The following ARHGAP15 variants were observed in gnomAD, a reference collection of about 807,000 sequenced individuals.
The protein encoded by ARHGAP15 is rho GTPase-activating protein 15.
Under a neutral mutation model 63.7 loss-of-function variants are expected in ARHGAP15, and 51 were observed. The observed-to-expected ratio is 0.80, with a 90% CI of 0.64 to 1.01. The LOEUF is 1.01. Among genes scored for constraint, ARHGAP15 ranks in the 50% least tolerant of loss-of-function variants. The pLI is 0.00. For synonymous variants in ARHGAP15, 191 were observed against 193.8 expected (o/e 0.99, Z 0.12); for missense variants, 560 against 564.6 (o/e 0.99, Z 0.08).
At chr2:143,650,783 C>T (rs1006631724) in intron 12 of ARHGAP15, among the ~76,000 whole-genome samples, 7 of 151,924 alleles carry the variant, frequency 4.6e-5, no homozygotes, top group Admixed American at 2.0e-4. Context: ...TGGCAGTTAA[C>T]ATACCTCGCT....
intron 12 of ARHGAP15, among the ~76,000 whole-genome samples, chr2:143,679,536 C>G (rs1160899035): frequency 6.6e-6 from 1 of 152,152 alleles, no homozygotes; most frequent in Non-Finnish European, 1.5e-5. Context: ...CTAGTCTCCT[C>G]TGCCCAAGAT....
intron 6 of ARHGAP15, among the ~76,000 whole-genome samples, chr2:143,301,776 G>T (rs1044225182): frequency 6.6e-6 from 1 of 151,388 alleles, no homozygotes; most frequent in Non-Finnish European, 1.5e-5. Flanking sequence ...TACATACATG[G>T]ACGGATGTAT....
chr2:143,387,556 A>G (rs1687339641), intron 6 of ARHGAP15, among the ~76,000 whole-genome samples: 1 of 152,214 alleles, frequency 6.6e-6, no homozygotes, highest in Non-Finnish European at 1.5e-5. Context: ...TTGGCATTGT[A>G]TTGACATTTT....
intron 10 of ARHGAP15, among the ~76,000 whole-genome samples, chr2:143,537,602 G>C (rs1473258233): frequency 6.6e-6 from 1 of 152,184 alleles, no homozygotes; most frequent in Non-Finnish European, 1.5e-5. Flanking sequence ...CATATGGCTA[G>C]CCAGTTTTCC....
chr2:143,219,172 C>T (rs1692887618), intron 4 of ARHGAP15, among the ~76,000 whole-genome samples: 1 of 152,162 alleles, frequency 6.6e-6, no homozygotes, highest in African/African-American at 2.4e-5. Context: ...AAACTGATGC[C>T]TACTGTACCT....
intron 6 of ARHGAP15, among the ~76,000 whole-genome samples, chr2:143,413,966 T>TGTGTGTGCGCGCGCACGC: frequency 8.5e-6 from 1 of 117,910 alleles, no homozygotes; most frequent in Admixed American, 9.2e-5. Context: ...TGTGTGTGTG[T>TGTGTGTGCGCGCGCACGC]GCGCGCTCTC....
At chr2:143,260,906 T>C (rs1430900777) in intron 6 of ARHGAP15, among the ~76,000 whole-genome samples, 1 of 152,104 alleles carries the variant, frequency 6.6e-6, no homozygotes. Flanking sequence ...ACAACAACAA[T>C]AAAACCTTGC....
intron 6 of ARHGAP15, among the ~76,000 whole-genome samples, chr2:143,365,785 C>T (rs1162596827): frequency 2.0e-5 from 3 of 152,172 alleles, no homozygotes; most frequent in African/African-American, 7.2e-5. Context: ...AAAGAACCAA[C>T]TCTGTGAAGT....
At chr2:143,645,828 AT>A (rs1408444418) in intron 12 of ARHGAP15, among the ~76,000 whole-genome samples, 4 of 152,154 alleles carry the variant, frequency 2.6e-5, no homozygotes, top group Admixed American at 6.5e-5. Context: ...TTTAAAAAAT[AT>A]TTTTTAAATA....
intron 11 of ARHGAP15, among the ~76,000 whole-genome samples, chr2:143,567,525 G>A (rs1696279002): frequency 6.6e-6 from 1 of 152,140 alleles, no homozygotes; most frequent in Non-Finnish European, 1.5e-5. Context: ...TCCACCTGAA[G>A]TAACTGTCTT....
At chr2:143,691,495 G>A (rs1216468165) in intron 12 of ARHGAP15, among the ~76,000 whole-genome samples, 1 of 152,152 alleles carries the variant, frequency 6.6e-6, no homozygotes, top group Admixed American at 6.5e-5. Context: ...ATTTAGAGTT[G>A]CACATTGCAT....
At chr2:143,522,176 G>T (rs1333431829) in intron 10 of ARHGAP15, 2 of 152,138 alleles carry the variant, frequency 1.3e-5, no homozygotes, top group East Asian at 3.9e-4. Context: ...AACTTGTTTA[G>T]TATGTTTCCT....
intron 6 of ARHGAP15, among the ~76,000 whole-genome samples, chr2:143,340,843 T>G (rs1388579315): frequency 6.6e-6 from 1 of 152,106 alleles, no homozygotes; most frequent in East Asian, 1.9e-4. Flanking sequence ...ATATTTTTCT[T>G]TTTCTGTTTT....
intron 2 of ARHGAP15, among the ~76,000 whole-genome samples, chr2:143,181,864 AC>A (rs1691247483): frequency 6.6e-6 from 1 of 152,018 alleles, no homozygotes; most frequent in Non-Finnish European, 1.5e-5. Flanking sequence ...TCACAACTTG[AC>A]TGGCACATAA....
At chr2:143,335,536 G>A (rs548966376) in intron 6 of ARHGAP15, among the ~76,000 whole-genome samples, 1 of 152,226 alleles carries the variant, frequency 6.6e-6, no homozygotes, top group African/African-American at 2.4e-5. Context: ...ATAAGGAGGT[G>A]AAATTATAAA....
At chr2:143,433,294 G>A (rs749611321) in intron 6 of ARHGAP15, among the ~76,000 whole-genome samples, 7 of 152,070 alleles carry the variant, frequency 4.6e-5, no homozygotes, top group Non-Finnish European at 8.8e-5. Context: ...ATTACTGACT[G>A]TAATTAAGAA....
intron 13 of ARHGAP15, among the ~76,000 whole-genome samples, chr2:143,749,848 G>A (rs1686304132): frequency 1.3e-5 from 2 of 152,144 alleles, no homozygotes; most frequent in South Asian, 4.1e-4. Flanking sequence ...CTCTAGAGAA[G>A]CATGGAAAGG....
At chr2:143,416,061 C>G (rs928150428) in intron 6 of ARHGAP15, among the ~76,000 whole-genome samples, 1 of 151,242 alleles carries the variant, frequency 6.6e-6, no homozygotes, top group African/African-American at 2.4e-5. Flanking sequence ...CAACACCTCA[C>G]AAATCACCGC....
At chr2:143,268,960 A>G (rs537327630) in intron 6 of ARHGAP15, among the ~76,000 whole-genome samples, 2 of 152,290 alleles carry the variant, frequency 1.3e-5, no homozygotes, top group East Asian at 3.9e-4. Context: ...CCAAAGTGTT[A>G]TAAAAATTTA....
Sources: gnomAD v4.1 joint callset for allele counts (sites outside exome capture counted in the v4.1 genomes callset) on GRCh38, gnomAD v4.1.1 for gene constraint, MANE v1.5 for transcripts, NCBI Gene and HGNC (gene_info 2026-07-23, HGNC 2026-07-21) for gene names.